The following ADAMTS17 variants were observed in gnomAD, a reference collection of about 807,000 sequenced individuals.
ADAMTS17 encodes ADAM metallopeptidase with thrombospondin type 1 motif 17.
ADAMTS17 carries 113 observed loss-of-function variants against 141.5 expected under a neutral mutation model. That is an observed-to-expected ratio of 0.80 (90% CI 0.69 to 0.93). The LOEUF (loss-of-function observed/expected upper bound fraction) is 0.93. Among genes scored for constraint, ADAMTS17 ranks in the 40% least tolerant of loss-of-function variants. The probability of loss-of-function intolerance (pLI) is 0.00; values close to 1 mark genes in which losing one functional copy is unlikely to be tolerated. For missense variants in ADAMTS17, 1,659 were observed against 1,517.9 expected (o/e 1.09, Z -1.54); for synonymous variants, 768 against 630.6 (o/e 1.22, Z -3.27).
At chr15:100,031,398 A>C (rs2030152353) in intron 18 of ADAMTS17, among the ~76,000 whole-genome samples, 1 of 152,224 alleles carries the variant, frequency 6.6e-6, no homozygotes, top group Non-Finnish European at 1.5e-5. Flanking sequence ...ATGTCTGCAG[A>C]AACTGCTGCT....
intron 14 of ADAMTS17, among the ~76,000 whole-genome samples, chr15:100,107,969 A>G (rs2036510445): frequency 6.6e-6 from 1 of 152,036 alleles, no homozygotes; most frequent in South Asian, 2.1e-4. Context: ...CAGAAAATAC[A>G]AAGCTTCGAC....
chr15:100,162,820 T>TTA (rs1042592635), intron 8 of ADAMTS17, among the ~76,000 whole-genome samples: 2 of 141,616 alleles, frequency 1.4e-5, no homozygotes, highest in East Asian at 2.9e-4. Context: ...CACATACACA[T>TTA]TATATATATG....
In ADAMTS17 at chr15:100,254,125, T is replaced by C; in HGVS notation, c.1075+11A>G. On this transcript the variant is annotated intron_variant, in intron 7 of 21. Transcript: ENST00000268070. ...CAGCCCCTTAGATTATTATTTCAAC[T>C]CTAAACTTACCAACAGTGTCACACG... is the stretch of plus-strand genomic sequence containing the variant. 6.2e-7 allele frequency: 1 copy of C among 1,612,534 alleles called. No individual in the cohort carries two copies. Among genetic ancestry groups the C allele is most frequent in the South Asian group, 1.1e-5 (1 of 91,052 alleles).
At chr15:100,184,792 C>T (rs990828918) in intron 8 of ADAMTS17, among the ~76,000 whole-genome samples, 2 of 152,136 alleles carry the variant, frequency 1.3e-5, no homozygotes, top group Non-Finnish European at 2.9e-5. Context: ...CCCGTAGCCC[C>T]CTGTCACAGC....
At chr15:100,230,661 G>C (rs917202687) in intron 7 of ADAMTS17, among the ~76,000 whole-genome samples, 1 of 152,156 alleles carries the variant, frequency 6.6e-6, no homozygotes, top group Non-Finnish European at 1.5e-5. Context: ...CACTTTTTTC[G>C]GGTTTGATCA....
chr15:100,072,877 C>A (rs1049370267), intron 15 of ADAMTS17, among the ~76,000 whole-genome samples: 5 of 152,142 alleles, frequency 3.3e-5, no homozygotes, highest in African/African-American at 1.2e-4. Flanking sequence ...ACACCAAAAG[C>A]AATGGCAACA....
chr15:99,987,925 A>C (rs910454550), intron 20 of ADAMTS17, among the ~76,000 whole-genome samples: 4 of 151,958 alleles, frequency 2.6e-5, no homozygotes, highest in Admixed American at 6.6e-5. Flanking sequence ...GTTCATGTCT[A>C]TGCAGCCCCC....
chr15:100,080,904 CT>C (rs1260289399), intron 15 of ADAMTS17, among the ~76,000 whole-genome samples: 1 of 152,086 alleles, frequency 6.6e-6, no homozygotes, highest in Non-Finnish European at 1.5e-5. Flanking sequence ...TTATTATTGT[CT>C]TTATTTGAAG....
intron 15 of ADAMTS17, among the ~76,000 whole-genome samples, chr15:100,083,418 T>C (rs2034881846): frequency 1.3e-5 from 2 of 152,204 alleles, no homozygotes; most frequent in Non-Finnish European, 2.9e-5. Flanking sequence ...GTTCCATCCA[T>C]AGAGGAACTT....
chr15:100,211,114 A>ATAAATAAATAAG (rs2041790707), intron 7 of ADAMTS17, among the ~76,000 whole-genome samples: 1 of 144,924 alleles, frequency 6.9e-6, no homozygotes, highest in Non-Finnish European at 1.5e-5. Flanking sequence ...AAATAAATAA[A>ATAAATAAATAAG]TAAATAAATA....
chr15:100,045,210 A>G (rs1046207074), intron 18 of ADAMTS17, among the ~76,000 whole-genome samples: 1 of 152,146 alleles, frequency 6.6e-6, no homozygotes, highest in Non-Finnish European at 1.5e-5. Flanking sequence ...ATCATTTGGG[A>G]CGATTATAAT....
chr15:100,226,191 C>A (rs536535486), intron 7 of ADAMTS17, among the ~76,000 whole-genome samples: 2 of 152,352 alleles, frequency 1.3e-5, no homozygotes, highest in Non-Finnish European at 2.9e-5. Context: ...CCATTCCGTC[C>A]TCAGAGCAGT....
chr15:100,275,308 G>A (rs1023240242), intron 4 of ADAMTS17, among the ~76,000 whole-genome samples: 6 of 152,216 alleles, frequency 3.9e-5, no homozygotes, highest in African/African-American at 1.2e-4. Context: ...AAGGCAGGGG[G>A]TGGGGGGCCT....
intron 18 of ADAMTS17, among the ~76,000 whole-genome samples, chr15:100,033,823 T>C (rs2030430148): frequency 6.6e-6 from 1 of 152,222 alleles, no homozygotes. Flanking sequence ...TCTTATCTTT[T>C]TGGGGCAAGT....
At chr15:100,145,968 T>A (rs2038882624) in intron 10 of ADAMTS17, among the ~76,000 whole-genome samples, 1 of 152,128 alleles carries the variant, frequency 6.6e-6, no homozygotes, top group South Asian at 2.1e-4. Flanking sequence ...AGGTCAGGAG[T>A]TCGTGACCAG....
chr15:100,034,205 G>A (rs2030473349), intron 18 of ADAMTS17, among the ~76,000 whole-genome samples: 1 of 152,234 alleles, frequency 6.6e-6, no homozygotes, highest in South Asian at 2.1e-4. Context: ...GAAGCACAAG[G>A]CTGGGATTCT....
In ADAMTS17 at chr15:100,108,005, G is replaced by A. The variant is rs1467422257; in HGVS notation, c.2016+984C>T. Reference sequence around the variant, plus strand: ...ACCCACTCCCCATCCCAGCTGCTGCGCCACCTCAGGAGGTGCTCGTTCTGA... The same window carrying A: ...ACCCACTCCCCATCCCAGCTGCTGCACCACCTCAGGAGGTGCTCGTTCTGA... On this transcript the variant is annotated intron_variant, in intron 14 of 21. Transcript: ENST00000268070. 3.9e-5 allele frequency among the ~76,000 whole-genome samples: 6 copies of A among 152,064 alleles called. 1 individual carries two copies. The highest frequency in any genetic ancestry group is 7.2e-5 in the African/African-American group (3 of 41,410).
At chr15:100,324,061 T>C (rs1361598650) in intron 3 of ADAMTS17, among the ~76,000 whole-genome samples, 4 of 151,110 alleles carry the variant, frequency 2.6e-5, no homozygotes, top group Admixed American at 2.6e-4. Flanking sequence ...TCCCAGCACT[T>C]TGGGAGGCCG....
intron 18 of ADAMTS17, among the ~76,000 whole-genome samples, chr15:100,014,363 A>C (rs1391411819): frequency 1.3e-5 from 2 of 151,694 alleles, no homozygotes; most frequent in Admixed American, 1.3e-4. Context: ...TTTAAATTCA[A>C]TTTCATTTAG....
Sources: gnomAD v4.1 joint callset for allele counts (sites outside exome capture counted in the v4.1 genomes callset) on GRCh38, gnomAD v4.1.1 for gene constraint, MANE v1.5 for transcripts, NCBI Gene and HGNC (gene_info 2026-07-23, HGNC 2026-07-21) for gene names.